Variants in VMA22 observed in about 807,000 individuals in gnomAD.
VMA22 encodes the protein vacuolar ATPase assembly protein VMA22.
the VMA22 span, chr2:130,340,342 A>G: frequency 4.6e-4 from 79 of 173,448 alleles, no homozygotes; most frequent in South Asian, 8.9e-3. Flanking sequence ...CTGTACAGCC[A>G]GTTGCACCAT....
the VMA22 span, chr2:130,341,814 C>A: frequency 6.6e-7 from 1 of 1,517,442 alleles, no homozygotes; most frequent in Non-Finnish European, 9.0e-7. Context: ...CGCCCGCCCA[C>A]CCAGCCCAGC....
chr2:130,339,147 G>C, the VMA22 span: 1 of 1,614,104 alleles, frequency 6.2e-7, no homozygotes, highest in Admixed American at 1.7e-5. Context: ...CCAGCTGCTT[G>C]AGTTTCTCTT....
At chr2:130,341,014 A>T in the VMA22 span, 1 of 1,612,080 alleles carries the variant, frequency 6.2e-7, no homozygotes, top group Non-Finnish European at 8.5e-7. Context: ...CTGGGGTCTT[A>T]GTGGGGCCCT....
chr2:130,340,927 A>C, the VMA22 span: 1 of 1,614,112 alleles, frequency 6.2e-7, no homozygotes, highest in South Asian at 1.1e-5. Flanking sequence ...AGCTTGCTTG[A>C]GCCTGACGTA....
the VMA22 span, chr2:130,339,606 C>T: frequency 7.7e-7 from 1 of 1,302,778 alleles, no homozygotes. Context: ...ACTCTGGATC[C>T]ACCTCTAGAT....
the VMA22 span, chr2:130,339,328 C>A: frequency 7.4e-7 from 1 of 1,354,966 alleles, no homozygotes; most frequent in Non-Finnish European, 1.0e-6. Flanking sequence ...GGCTTCAGGC[C>A]TCTCTGCCCC....
At chr2:130,339,115 G>GC in the VMA22 span, 1 of 1,606,318 alleles carries the variant, frequency 6.2e-7, no homozygotes, top group Non-Finnish European at 8.5e-7. Context: ...CTCTTTGCGC[G>GC]CATGTCAGGC....
the VMA22 span, chr2:130,342,285 A>G: frequency 2.2e-5 from 31 of 1,404,944 alleles, no homozygotes; most frequent in Middle Eastern, 1.8e-4. Context: ...CTTTAAGGGC[A>G]AGCGCCCTTA....
the VMA22 span, chr2:130,338,938 T>C: frequency 1.7e-6 from 1 of 589,220 alleles, no homozygotes; most frequent in African/African-American, 1.9e-5. Flanking sequence ...CTTTCAAAAT[T>C]ACTGTTTGCC....
chr2:130,341,798 C>T, the VMA22 span: 1 of 1,426,584 alleles, frequency 7.0e-7, no homozygotes, highest in Non-Finnish European at 9.6e-7. Context: ...GGGCCTAGAA[C>T]GCGCCCGCCC....
At chr2:130,341,150 TG>T in the VMA22 span, 1 of 1,337,792 alleles carries the variant, frequency 7.5e-7, no homozygotes, top group African/African-American at 1.5e-5. Context: ...CACTGTTGGT[TG>T]GAAAATTCCA....
At chr2:130,341,357 TTG>T in the VMA22 span, 1 of 538,834 alleles carries the variant, frequency 1.9e-6, no homozygotes. Flanking sequence ...TCCCCATTCT[TTG>T]TCTCAGGATG....
the VMA22 span, chr2:130,341,832 C>A: frequency 6.3e-6 from 8 of 1,267,850 alleles, no homozygotes; most frequent in Non-Finnish European, 8.8e-6. Flanking sequence ...AGCATGGAAG[C>A]TTCCTCACCT....
At chr2:130,341,518 C>T in the VMA22 span, 2 of 658,032 alleles carry the variant, frequency 3.0e-6, no homozygotes, top group Non-Finnish European at 5.2e-6. Flanking sequence ...CTATAAAAGT[C>T]TAAGGCAAAA....
At chr2:130,342,258 G>C in the VMA22 span, 53 of 1,530,562 alleles carry the variant, frequency 3.5e-5, no homozygotes, top group Non-Finnish European at 4.7e-5. Flanking sequence ...GCAGCACCAA[G>C]GCCTCTGGGT....
At chr2:130,341,898 G>A in the VMA22 span, 5 of 1,579,266 alleles carry the variant, frequency 3.2e-6, no homozygotes, top group South Asian at 1.1e-5. Context: ...GGGCCCTACC[G>A]ACTTGGCGCC....
the VMA22 span, chr2:130,338,823 A>C: frequency 2.8e-6 from 1 of 356,938 alleles, no homozygotes; most frequent in African/African-American, 2.1e-5. Context: ...ATGAAAGCAC[A>C]GCTGAGTGAT....
chr2:130,340,896 C>G, the VMA22 span: 1 of 1,613,950 alleles, frequency 6.2e-7, no homozygotes, highest in Non-Finnish European at 8.5e-7. Flanking sequence ...CCAAACAACA[C>G]GGTCCACTCA....
chr2:130,342,307 C>A, the VMA22 span: 1 of 1,150,408 alleles, frequency 8.7e-7, no homozygotes, highest in Non-Finnish European at 1.2e-6. Flanking sequence ...AGAAGCAGCA[C>A]GGAAGCAACC....
Sources: gnomAD v4.1 joint callset for allele counts on GRCh38, gnomAD v4.1.1 for gene constraint, MANE v1.5 for transcripts, NCBI Gene and HGNC (gene_info 2026-07-23, HGNC 2026-07-21) for gene names.